Variants in ESRP2 observed in about 807,000 individuals in gnomAD.
ESRP2 encodes the protein epithelial splicing regulatory protein 2, also known as RNA binding motif protein 35A.
ESRP2 carries 48 observed loss-of-function variants against 78.6 expected under a neutral mutation model. The ratio of observed to expected loss-of-function variants is 0.61; its 90% CI spans 0.48 to 0.78. The LOEUF (loss-of-function observed/expected upper bound fraction) is 0.78. ESRP2 is among the 30% of genes least tolerant of loss of function. The pLI is 0.00. For synonymous variants in ESRP2, 383 were observed against 406.7 expected, an observed-to-expected ratio of 0.94 and a Z score of 0.70; for missense variants, 863 against 965.9, an observed-to-expected ratio of 0.89 and a Z score of 1.41.
Position 68,235,817 on chromosome 16 carries a change from T to C in ESRP2, c.198+31A>G, listed in dbSNP as rs747250189. On this transcript the variant is annotated intron_variant, in intron 1 of 14. Transcript: ENST00000473183. The surrounding 1 kb of genome is among the most constrained non-coding windows in gnomAD (Gnocchi z 5.5). ...GCGCCCCTCGACCCCGGAAGCTCCC[T>C]GGGGACCTCACCGCCTCTTTTCCAC... 8.1e-6 allele frequency: 13 copies of C among 1,610,622 alleles called. 1 individual carries two copies. Among genetic ancestry groups the C allele is most frequent in the Admixed American group, 1.7e-5 (1 of 59,812 alleles).
Position 68,231,158 on chromosome 16 carries a change from C to G in ESRP2, c.1711+20G>C, listed in dbSNP as rs987900470. 2 of 1,612,506 alleles carry G rather than the reference C, an allele frequency of 1.2e-6. No homozygotes were observed. Among genetic ancestry groups the G allele is most frequent in the South Asian group, 1.1e-5 (1 of 91,086 alleles). ...TGGCTACCACAGGCCTCCTCCTCCCCTAGCCCCTAGGGCACTCACAGGGCA... is the reference window on the plus strand; with the variant it reads ...TGGCTACCACAGGCCTCCTCCTCCCGTAGCCCCTAGGGCACTCACAGGGCA... On this transcript the variant is annotated intron_variant, in intron 12 of 14. Transcript: ENST00000473183. This position sits in a 1 kb window ranked among gnomAD's most constrained non-coding sequence, Gnocchi z 6.0.
At chr16:68,233,017 G>C (rs563937767) in intron 5 of ESRP2, among the ~76,000 whole-genome samples, 4 of 152,244 alleles carry the variant, frequency 2.6e-5, no homozygotes, top group African/African-American at 7.2e-5. Context: ...TGGCCAACAT[G>C]GTGAAACCCC....
chr16:68,230,360 C>T (rs201109497), intron 14 of ESRP2, 29 bp downstream of exon 14: 14 of 1,614,122 alleles, frequency 8.7e-6, no homozygotes, highest in African/African-American at 6.7e-5. Flanking sequence ...CAGCCAGACC[C>T]GCCAGGCCCT....
Position 68,230,951 on chromosome 16 carries a change from G to T in ESRP2, c.1788C>A (p.Pro596=). 2 of 1,612,158 alleles carry T rather than the reference G, an allele frequency of 1.2e-6. No homozygotes were observed. The highest frequency in any genetic ancestry group is 1.7e-6 in the Non-Finnish European group (2 of 1,179,036). ...LIPTETAALY[P]SSALLPAARV... ...TGGCAGCTGGGAGCAGTGCTGAAGA[G>T]GGGTATAGAGCTGCCGTCTCCGTGG... The change falls in exon 13 of 15, where the codon CCC becomes CCA. Residue 596 remains proline, a synonymous_variant. Coordinates refer to ENST00000473183, the MANE Select transcript of ESRP2 (RefSeq NM_024939.3).
Position 68,231,097 on chromosome 16 carries a change from A to G in ESRP2, c.1712-70T>C. 1.3e-6 allele frequency: 2 copies of G among 1,599,984 alleles called. No homozygotes were observed. Among genetic ancestry groups the G allele is most frequent in the Non-Finnish European group, 1.7e-6 (2 of 1,169,420 alleles). On this transcript the variant is annotated intron_variant, in intron 12 of 14. Transcript: ENST00000473183. The surrounding 1 kb of genome is among the most constrained non-coding windows in gnomAD (Gnocchi z 6.0). ...GCCCTGGGTGGGGTAGCCAGAAAGG[A>G]GTCCCCGCTATAGAAGGTAGGGGCT...
In ESRP2 at chr16:68,235,158, AG is replaced by A; in HGVS notation, c.327+475del. On this transcript the variant is annotated intron_variant, in intron 2 of 14. Coordinates refer to ENST00000473183, the MANE Select transcript of ESRP2 (RefSeq NM_024939.3). The surrounding 1 kb of genome is among the most constrained non-coding windows in gnomAD (Gnocchi z 5.5). ...CCGGCCGGGACAGGCCTAGACGAGC[AG>A]TTTACACCTGGCGGCGTCTACCTCT... 1.0e-6 allele frequency: 1 copy of A among 985,316 alleles called. No individual in the cohort carries two copies. 61.0% of individuals were successfully genotyped at this position (985,316 alleles called of 1,614,324 possible).
chr16:68,231,222 G>A lies in ESRP2; in HGVS notation c.1667C>T (p.Thr556Ile), dbSNP rs1046130892. The A allele has an allele frequency of 4.3e-6, 7 of 1,613,840 alleles. No individual in the cohort carries two copies. Among genetic ancestry groups the A allele is most frequent in the East Asian group, 4.5e-5 (2 of 44,876 alleles). ...AGGGGACATGCCACTGCGGCCCAAG[G>A]TGCCCCCCATCAGCACTCGGCTCAT... ...EEMSRVLMGG[T>I]LGRSGMSPPP... Residue 556 changes from threonine (T) to isoleucine (I), a missense_variant, in exon 12 of 15, where the codon ACC becomes ATC. Physicochemically the swap from Thr to Ile is moderately conservative, Grantham distance 89. Coordinates refer to ENST00000473183, the MANE Select transcript of ESRP2 (RefSeq NM_024939.3). This position sits in a 1 kb window ranked among gnomAD's most constrained non-coding sequence, Gnocchi z 6.0.
At chr16:68,233,953 C>T in intron 3 of ESRP2, 41 bp downstream of exon 3, 1 of 1,608,156 alleles carries the variant, frequency 6.2e-7, no homozygotes, top group African/African-American at 1.3e-5. Context: ...GGGAACCTTA[C>T]TGACCACCCC....
Position 68,235,607 on chromosome 16 carries a change from C to T in ESRP2, c.327+27G>A. 6.3e-7 allele frequency: 1 copy of T among 1,596,124 alleles called. No individual in the cohort carries two copies. On this transcript the variant is annotated intron_variant, in intron 2 of 14. Transcript: ENST00000473183. This position sits in a 1 kb window ranked among gnomAD's most constrained non-coding sequence, Gnocchi z 5.5. ...CCCAGAAATGTCCTCACGTCCAGGC[C>T]ATGCCGCCACCCACCCCGGCGCTCA...
In ESRP2 at chr16:68,232,082, C is replaced by G; in HGVS notation, c.1019G>C (p.Arg340Pro). ...CACTTGGTCTTCCCGTGACAAGAAACGAGCCACCTCTAGTGATGTGCCTGT... is the reference window on the plus strand; with the variant it reads ...CACTTGGTCTTCCCGTGACAAGAAAGGAGCCACCTCTAGTGATGTGCCTGT... Reference protein sequence around the residue: ...IAGGTSLEVARFLSREDQVIL... With the variant: ...IAGGTSLEVAPFLSREDQVIL... The change falls in exon 10 of 15, where the codon CGT becomes CCT. Residue 340 changes from arginine to proline, a missense_variant. Arg to Pro is a moderately radical substitution (Grantham distance 103). Transcript: ENST00000473183. The surrounding 1 kb of genome is among the most constrained non-coding windows in gnomAD (Gnocchi z 5.2). The G allele has an allele frequency of 6.2e-7, 1 of 1,613,222 alleles. No homozygotes were observed. The highest frequency in any genetic ancestry group is 8.5e-7 in the Non-Finnish European group (1 of 1,179,480).
intron 13 of ESRP2, 64 bp from the exon 14 acceptor site, chr16:68,230,618 CCCT>C: frequency 6.7e-7 from 1 of 1,503,006 alleles, no homozygotes; most frequent in Non-Finnish European, 8.9e-7. Flanking sequence ...AGACCTGTTT[CCCT>C]CCTCCCTTGT....
Position 68,231,237 on chromosome 16 carries a change from A to G in ESRP2, c.1652T>C (p.Val551Ala). 6.2e-7 allele frequency: 1 copy of G among 1,613,820 alleles called. No homozygotes were observed. The highest frequency in any genetic ancestry group is 8.5e-7 in the Non-Finnish European group (1 of 1,179,944). Residue 551 changes from valine (V) to alanine (A), a missense_variant, in exon 12 of 15, where the codon GTG (valine) becomes GCG (alanine). Transcript: ENST00000473183. This position sits in a 1 kb window ranked among gnomAD's most constrained non-coding sequence, Gnocchi z 6.0. ...GCGGCCCAAGGTGCCCCCCATCAGC[A>G]CTCGGCTCATCTCCTCTGTGGAACA... Reference protein sequence around the residue: ...VPCSTEEMSRVLMGGTLGRSG... With the variant: ...VPCSTEEMSRALMGGTLGRSG...
chr16:68,230,009 C>G lies in ESRP2; in HGVS notation c.*217G>C. On this transcript the variant is annotated 3_prime_UTR_variant, in exon 15 of 15. Coordinates refer to ENST00000473183, the MANE Select transcript of ESRP2 (RefSeq NM_024939.3). ...CATCAGGAGCTGGTTAGCCCCATTC[C>G]ACCCCCAGCCCTGCATGCAGGGTCC... 2 of 586,668 alleles carry G rather than the reference C, an allele frequency of 3.4e-6. No individual in the cohort carries two copies. Among genetic ancestry groups the G allele is most frequent in the African/African-American group, 1.9e-5 (1 of 53,806 alleles). The allele number at this position is 586,668 out of a possible 1,614,324, so 36.3% of individuals were successfully genotyped here.
Position 68,235,807 on chromosome 16 carries a change from G to C in ESRP2, c.198+41C>G. 1 of 1,610,060 alleles carries C rather than the reference G, an allele frequency of 6.2e-7. No individual in the cohort carries two copies. On this transcript the variant is annotated intron_variant, in intron 1 of 14. Coordinates refer to ENST00000473183, the MANE Select transcript of ESRP2 (RefSeq NM_024939.3). The surrounding 1 kb of genome is among the most constrained non-coding windows in gnomAD (Gnocchi z 5.5). ...CCGATCAGCCGCGCCCCTCGACCCC[G>C]GAAGCTCCCTGGGGACCTCACCGCC...
rs969448972 is a variant in ESRP2, at chr16:68,229,093, C to G, written c.*1133G>C. Reference sequence around the variant, plus strand: ...GATGTTTAGTAAAGGAACTGGTTCTCAGTTATGTTTACAGCACTTGGAATT... The same window carrying G: ...GATGTTTAGTAAAGGAACTGGTTCTGAGTTATGTTTACAGCACTTGGAATT... On this transcript the variant is annotated 3_prime_UTR_variant, in exon 15 of 15. Transcript: ENST00000473183. 1 of 152,186 alleles carries G rather than the reference C, an allele frequency of 6.6e-6. No individual in the cohort carries two copies. Among genetic ancestry groups the G allele is most frequent in the Non-Finnish European group, 1.5e-5 (1 of 68,032 alleles). The allele number at this position is 152,186 out of a possible 1,614,324, so 9.4% of individuals were successfully genotyped here. A position where few individuals can be genotyped will look rare whatever the true frequency, so the allele number is the denominator to read the frequency against.
In ESRP2 at chr16:68,235,587, A is replaced by G. The variant is rs2042214226; in HGVS notation, c.327+47T>C. On this transcript the variant is annotated intron_variant, in intron 2 of 14. Coordinates refer to ENST00000473183, the MANE Select transcript of ESRP2 (RefSeq NM_024939.3). This position sits in a 1 kb window ranked among gnomAD's most constrained non-coding sequence, Gnocchi z 5.5. Reference sequence around the variant, plus strand: ...GCCTCCGGCCGCCAATCCCGCCCAGAAATGTCCTCACGTCCAGGCCATGCC... The same window carrying G: ...GCCTCCGGCCGCCAATCCCGCCCAGGAATGTCCTCACGTCCAGGCCATGCC... 1 of 1,592,744 alleles carries G rather than the reference A, an allele frequency of 6.3e-7. No individual in the cohort carries two copies.
rs1447161751 is a variant in ESRP2 at position 68,235,079 on chromosome 16, C to G, written c.327+555G>C. The G allele has an allele frequency of 1.0e-6, 1 of 979,284 alleles. No individual in the cohort carries two copies. Among genetic ancestry groups the G allele is most frequent in the East Asian group, 1.1e-4 (1 of 8,790 alleles). The allele number at this position is 979,284 out of a possible 1,614,324, so 60.7% of individuals were successfully genotyped here. A position where few individuals can be genotyped will look rare whatever the true frequency, so the allele number is the denominator to read the frequency against. On this transcript the variant is annotated intron_variant, in intron 2 of 14. Transcript: ENST00000473183. This position sits in a 1 kb window ranked among gnomAD's most constrained non-coding sequence, Gnocchi z 5.5. ...AGGAGGCACCCCAGGCCTTTGCACTCAGCAGGCAGATAGTCCCCCAGGCCA... is the reference window on the plus strand; with the variant it reads ...AGGAGGCACCCCAGGCCTTTGCACTGAGCAGGCAGATAGTCCCCCAGGCCA...
Position 68,231,685 on chromosome 16 carries a change from G to A in ESRP2, c.1309C>T (p.Arg437Cys), listed in dbSNP as rs1357935683. 3.1e-6 allele frequency: 5 copies of A among 1,604,196 alleles called. No homozygotes were observed. In the African/African-American group the frequency reaches 4.0e-5, roughly 13 times the overall value. The change falls in exon 11 of 15, where the codon CGC becomes TGC. Residue 437 changes from arginine to cysteine, a missense_variant. Physicochemically the swap from Arg to Cys is radical, Grantham distance 180. Transcript: ENST00000473183. The surrounding 1 kb of genome is among the most constrained non-coding windows in gnomAD (Gnocchi z 6.0). ...GGAAGGAGTGGGCCGGATGCATAGC[G>A]GTTCAAGACCTAGTAAGGAAGGCAG... is the stretch of plus-strand genomic sequence containing the variant. ...TAAEVQQVLN[R>C]YASGPLLPTL...
chr16:68,234,224 A>G, intron 2 of ESRP2, 117 bp from the exon 3 acceptor site: 1 of 764,942 alleles, frequency 1.3e-6, no homozygotes, highest in Non-Finnish European at 2.1e-6. Context: ...GTTCAGCCCT[A>G]TCCTGCCTGG....
Sources: gnomAD v4.1 joint callset for allele counts (sites outside exome capture counted in the v4.1 genomes callset) on GRCh38, gnomAD v4.1.1 for gene constraint, Gnocchi (gnomAD v3.1) non-coding constraint, MANE v1.5 for transcripts, NCBI Gene and HGNC (gene_info 2026-07-23, HGNC 2026-07-21) for gene names.